PITPNM2: variants seen among roughly 807,000 people sequenced by gnomAD.
PITPNM2 encodes the protein phosphatidylinositol transfer protein membrane associated 2, also known as membrane-associated phosphatidylinositol transfer protein 2.
A neutral mutation model predicts 132.2 loss-of-function variants in PITPNM2; 35 were observed. The observed-to-expected ratio is 0.26, with a 90% CI of 0.20 to 0.35. The LOEUF (loss-of-function observed/expected upper bound fraction) is 0.35. PITPNM2 is among the 10% of genes least tolerant of loss of function. The probability of loss-of-function intolerance (pLI) is 1.00; values close to 1 mark genes in which losing one functional copy is unlikely to be tolerated. For missense variants in PITPNM2, 1,332 were observed against 1,912.0 expected (o/e 0.70, Z 5.66); for synonymous variants, 738 against 799.2 (o/e 0.92, Z 1.29).
At chr12:123,043,881 G>A (rs545095348) in intron 2 of PITPNM2, among the ~76,000 whole-genome samples, 2 of 152,240 alleles carry the variant, frequency 1.3e-5, no homozygotes, top group East Asian at 1.9e-4. Context: ...GGGTGGAAAC[G>A]GGCACAAATG....
intron 8 of PITPNM2, among the ~76,000 whole-genome samples, chr12:123,003,157 A>G (rs916343966): frequency 1.3e-5 from 2 of 152,094 alleles, no homozygotes; most frequent in Non-Finnish European, 2.9e-5. Flanking sequence ...CCACAAAAGC[A>G]CAGCTTCATA....
chr12:123,007,540 C>A, intron 6 of PITPNM2: 1 of 355,614 alleles, frequency 2.8e-6, no homozygotes, highest in Non-Finnish European at 5.5e-6. Context: ...TGTGTACCCT[C>A]TTTTCCTGCC....
intron 13 of PITPNM2, among the ~76,000 whole-genome samples, chr12:122,995,914 C>T (rs1475061652): frequency 1.3e-5 from 2 of 152,172 alleles, no homozygotes; most frequent in African/African-American, 4.8e-5. Context: ...TCGCCCATCC[C>T]ACCTCCTAGG....
chr12:123,054,234 C>T (rs1181008178), intron 2 of PITPNM2, among the ~76,000 whole-genome samples: 1 of 152,172 alleles, frequency 6.6e-6, no homozygotes, highest in African/African-American at 2.4e-5. Flanking sequence ...CACCTAGAAA[C>T]CTTTCTACCT....
chr12:123,120,314 G>C (rs1418202970), intron 1 of PITPNM2, among the ~76,000 whole-genome samples: 1 of 152,168 alleles, frequency 6.6e-6, no homozygotes, highest in Non-Finnish European at 1.5e-5. Context: ...TGTGAAAGGA[G>C]GGGTAAGACA....
rs774585703 is a variant in PITPNM2 at position 122,986,544 on chromosome 12, C to T, written c.3618G>A (p.Ala1206=). 20 of 1,597,626 alleles carry T rather than the reference C, an allele frequency of 1.3e-5. No individual in the cohort carries two copies. Among genetic ancestry groups the T allele is most frequent in the East Asian group, 1.1e-4 (5 of 44,406 alleles). ...LISELHLRVH[A]AYGSTKDVAV... ...CCACGTCCTTGGTGGAGCCATAGGC[C>T]GCGTGCACGCGCAGGTGCAGCTGTG... Residue 1206 remains alanine, a synonymous_variant, in exon 25 of 26, where the codon GCG becomes GCA. Transcript: ENST00000320201.
intron 3 of PITPNM2, chr12:123,021,609 G>C: frequency 2.2e-6 from 2 of 916,740 alleles, no homozygotes; most frequent in Non-Finnish European, 2.6e-6. Context: ...GCCCCACTGC[G>C]GTGTCAGGTG....
chr12:123,054,217 C>T (rs1252437217), intron 2 of PITPNM2, among the ~76,000 whole-genome samples: 3 of 150,214 alleles, frequency 2.0e-5, no homozygotes, highest in East Asian at 3.9e-4. Flanking sequence ...TGGGCTCGAG[C>T]GATCCACACC....
rs577746679 is a variant in PITPNM2, at chr12:123,098,589, T to C, written c.-96+11796A>G. ...AGCCAGGCATGGTGGCCTGCATCTA[T>C]AGTCCCAGCTACTCCAGAGGCATAG... On this transcript the variant is annotated intron_variant, in intron 2 of 25. Transcript: ENST00000320201. 1.7e-4 allele frequency among the ~76,000 whole-genome samples: 26 copies of C among 152,254 alleles called. No homozygotes were observed. The South Asian group carries it at 4.8e-3, about 28-fold the overall frequency.
intron 1 of PITPNM2, among the ~76,000 whole-genome samples, chr12:123,128,836 C>T (rs571563834): frequency 2.6e-4 from 39 of 151,604 alleles, no homozygotes; most frequent in Non-Finnish European, 5.2e-4. Context: ...TCAGTCTCTA[C>T]GTTTTTAAGA....
intron 2 of PITPNM2, among the ~76,000 whole-genome samples, chr12:123,035,708 C>T (rs1371756191): frequency 1.3e-5 from 2 of 151,992 alleles, no homozygotes; most frequent in Non-Finnish European, 2.9e-5. Context: ...GAGGCGCATA[C>T]TCAGTTATCC....
intron 2 of PITPNM2, among the ~76,000 whole-genome samples, chr12:123,068,366 T>C (rs1264690909): frequency 2.0e-5 from 3 of 151,834 alleles, no homozygotes; most frequent in Non-Finnish European, 2.9e-5. Context: ...GAGAATGGCG[T>C]GAACCTGGGA....
At chr12:123,003,009 G>A (rs1236232965) in intron 8 of PITPNM2, among the ~76,000 whole-genome samples, 5 of 152,174 alleles carry the variant, frequency 3.3e-5, no homozygotes, top group Non-Finnish European at 5.9e-5. Flanking sequence ...AAAGTGCTGG[G>A]ATTACAGGTG....
In PITPNM2 at chr12:122,994,974, T is replaced by G. The variant is rs1346804401; in HGVS notation, c.2060A>C (p.His687Pro). 6.2e-7 allele frequency: 1 copy of G among 1,604,508 alleles called. No individual in the cohort carries two copies. The change falls in exon 15 of 26, where the codon CAT becomes CCT. Residue 687 changes from histidine to proline, a missense_variant. Around this residue, in one of 6 missense-constraint regions of PITPNM2, gnomAD observed 710 missense variants for 911.5 expected, o/e 0.78. Transcript: ENST00000320201. This position sits in a 1 kb window ranked among gnomAD's most constrained non-coding sequence, Gnocchi z 5.4. ...GGGCTCAGTCCTCAGCACGCTGGCA[T>G]GGAGGCTGCAGACCCAAATAAGACT... ...QQHQAFLSSL[H>P]ASVLRTEPCS...
At chr12:123,066,935 G>T (rs1281384075) in intron 2 of PITPNM2, among the ~76,000 whole-genome samples, 3 of 152,202 alleles carry the variant, frequency 2.0e-5, no homozygotes, top group African/African-American at 7.2e-5. Context: ...CCCGGCCAGT[G>T]CAGTAGGTTT....
intron 2 of PITPNM2, among the ~76,000 whole-genome samples, chr12:123,045,623 G>A (rs2040626899): frequency 6.6e-6 from 1 of 152,200 alleles, no homozygotes. Flanking sequence ...CCCACCATGT[G>A]CAAGATTCCA....
At chr12:123,145,035 C>A (rs1382808678) in intron 1 of PITPNM2, among the ~76,000 whole-genome samples, 1 of 152,084 alleles carries the variant, frequency 6.6e-6, no homozygotes, top group African/African-American at 2.4e-5. Context: ...CTATGTTAGC[C>A]AGCGTGGTGC....
chr12:123,001,497 C>T (rs915974543), intron 8 of PITPNM2, among the ~76,000 whole-genome samples: 3 of 152,242 alleles, frequency 2.0e-5, no homozygotes, highest in African/African-American at 7.2e-5. Flanking sequence ...CTGGCCACCA[C>T]CAATCAATTT....
chr12:123,122,467 A>T (rs564745750), intron 1 of PITPNM2, among the ~76,000 whole-genome samples: 1 of 152,162 alleles, frequency 6.6e-6, no homozygotes, highest in Admixed American at 6.5e-5. Flanking sequence ...GTCTCCAAAA[A>T]AAAGAAGAAA....
Sources: allele counts gnomAD v4.1 joint callset (sites outside exome capture counted in the v4.1 genomes callset), GRCh38; gene constraint gnomAD v4.1.1; regional missense constraint gnomAD v4.1.1; non-coding constraint Gnocchi (gnomAD v3.1); transcripts MANE v1.5; gene names NCBI Gene and HGNC (gene_info 2026-07-23, HGNC 2026-07-21).